VWA8: variants seen among roughly 807,000 people sequenced by gnomAD.
The protein encoded by VWA8 is von Willebrand factor A domain-containing protein 8.
A neutral mutation model predicts 241.5 loss-of-function variants in VWA8; 221 were observed. That is an observed-to-expected ratio of 0.91 (90% CI 0.82 to 1.02). The LOEUF (loss-of-function observed/expected upper bound fraction) is 1.02, where lower values mean the gene tolerates loss of function less well. Ranked by LOEUF, VWA8 falls within the 50% of genes least tolerant of loss-of-function variation. The probability of loss-of-function intolerance (pLI) is 0.00; values close to 1 mark genes in which losing one functional copy is unlikely to be tolerated. For synonymous variants in VWA8, 852 were observed against 827.1 expected (o/e 1.03, Z -0.52); for missense variants, 2,322 against 2,328.7 (o/e 1.00, Z 0.06).
At chr13:41,833,962 T>C (rs1173649097) in intron 12 of VWA8, among the ~76,000 whole-genome samples, 1 of 152,214 alleles carries the variant, frequency 6.6e-6, no homozygotes, top group Non-Finnish European at 1.5e-5. Context: ...AAACTCAACA[T>C]GCAGAGATGT....
chr13:41,796,044 T>G (rs1430461934), intron 17 of VWA8, among the ~76,000 whole-genome samples: 1 of 152,214 alleles, frequency 6.6e-6, no homozygotes, highest in Non-Finnish European at 1.5e-5. Flanking sequence ...GTAAAAGGTA[T>G]GATTACTATA....
chr13:41,910,809 G>A (rs1292507439), intron 3 of VWA8, among the ~76,000 whole-genome samples: 3 of 152,000 alleles, frequency 2.0e-5, no homozygotes, highest in African/African-American at 7.3e-5. Flanking sequence ...TATTATTTCT[G>A]CCCCACATGA....
intron 2 of VWA8, chr13:41,925,740 A>G: frequency 4.8e-6 from 1 of 208,272 alleles, no homozygotes; most frequent in Non-Finnish European, 1.0e-5. Context: ...GAGAAAGTTA[A>G]ACCAGGCCAC....
chr13:41,841,853 ATATAT>A (rs1872066625), intron 12 of VWA8, among the ~76,000 whole-genome samples: 15 of 91,534 alleles, frequency 1.6e-4, no homozygotes, highest in East Asian at 2.9e-4. Flanking sequence ...ATATATATAT[ATATAT>A]AAAAACAGTA....
intron 37 of VWA8, among the ~76,000 whole-genome samples, chr13:41,644,867 G>T (rs1229498035): frequency 6.6e-6 from 1 of 152,130 alleles, no homozygotes; most frequent in Non-Finnish European, 1.5e-5. Flanking sequence ...CTTAACTCTT[G>T]TTTATCCCAA....
At chr13:41,635,219 G>A (rs911988343) in intron 37 of VWA8, among the ~76,000 whole-genome samples, 1 of 152,130 alleles carries the variant, frequency 6.6e-6, no homozygotes, top group East Asian at 1.9e-4. Flanking sequence ...TTGGGATAGG[G>A]AATAGGAATA....
chr13:41,634,049 T>C (rs2044741896), intron 37 of VWA8, among the ~76,000 whole-genome samples: 1 of 152,126 alleles, frequency 6.6e-6, no homozygotes, highest in African/African-American at 2.4e-5. Context: ...TTGAGGGCTT[T>C]AGGCAGCACA....
At chr13:41,847,427 C>T (rs930391153) in intron 12 of VWA8, among the ~76,000 whole-genome samples, 3 of 152,148 alleles carry the variant, frequency 2.0e-5, no homozygotes, top group Non-Finnish European at 4.4e-5. Context: ...TCTGATGACA[C>T]AGCCTGTGAA....
chr13:41,617,565 A>G (rs9989065), intron 37 of VWA8, among the ~76,000 whole-genome samples: 11,396 of 152,142 alleles, frequency 0.075, 866 homozygotes, highest in African/African-American at 0.2. Context: ...TAGTATACAC[A>G]TGCCATGTTG....
intron 21 of VWA8, among the ~76,000 whole-genome samples, chr13:41,752,029 G>A (rs1460216192): frequency 1.3e-5 from 2 of 152,126 alleles, no homozygotes; most frequent in Non-Finnish European, 2.9e-5. Context: ...ACACACAGGA[G>A]TTACTGTTAA....
At chr13:41,721,006 C>T (rs976100) in intron 25 of VWA8, among the ~76,000 whole-genome samples, 113,068 of 151,962 alleles carry the variant, frequency 0.74, 44,240 homozygotes, top group South Asian at 0.9. Context: ...ATGTGATTTG[C>T]TTCAAAATGA....
chr13:41,861,745 G>A (rs1282660318), intron 12 of VWA8, among the ~76,000 whole-genome samples: 1 of 152,052 alleles, frequency 6.6e-6, no homozygotes, highest in African/African-American at 2.4e-5. Flanking sequence ...ACCCAAGAAA[G>A]TAAAAGATCT....
intron 37 of VWA8, among the ~76,000 whole-genome samples, chr13:41,647,818 T>C (rs912557173): frequency 2.0e-5 from 3 of 151,990 alleles, no homozygotes; most frequent in Admixed American, 6.6e-5. Context: ...GGTGAAACCC[T>C]TTCTCTACTA....
intron 12 of VWA8, among the ~76,000 whole-genome samples, chr13:41,836,071 T>C (rs1871713619): frequency 6.6e-6 from 1 of 152,200 alleles, no homozygotes; most frequent in Non-Finnish European, 1.5e-5. Flanking sequence ...AAACATTACA[T>C]AGATGATTCT....
intron 2 of VWA8, among the ~76,000 whole-genome samples, chr13:41,943,011 A>G (rs1179395836): frequency 6.6e-6 from 1 of 152,264 alleles, no homozygotes; most frequent in African/African-American, 2.4e-5. Flanking sequence ...GCAGCTATAC[A>G]GCAAAGAGAT....
chr13:41,868,459 A>C lies in VWA8; in HGVS notation c.1099T>G (p.Ser367Ala). Residue 367 changes from serine (S) to alanine (A), a missense_variant, in exon 10 of 45, where the codon TCA becomes GCA. By Grantham distance (99) the Ser-to-Ala change is moderately conservative. Transcript: ENST00000379310. ...TCTTTAGGAAGTAGAGAGCTTCCTG[A>C]ATCTTGAAGTTCAAAGCGCTGTAAA... is the stretch of plus-strand genomic sequence containing the variant. ...GVLKRFELQDSGSSLLPKEIV... is the reference protein window; with the variant it reads ...GVLKRFELQDAGSSLLPKEIV... The C allele has an allele frequency of 6.2e-7, 1 of 1,613,294 alleles. No homozygotes were observed. Among genetic ancestry groups the C allele is most frequent in the Non-Finnish European group, 8.5e-7 (1 of 1,179,808 alleles).
At chr13:41,662,250 T>A (rs1273372085) in intron 37 of VWA8, among the ~76,000 whole-genome samples, 1 of 152,184 alleles carries the variant, frequency 6.6e-6, no homozygotes, top group Non-Finnish European at 1.5e-5. Flanking sequence ...CATTATTAGG[T>A]TGAGTTTTCT....
At chr13:41,622,630 CATT>C (rs2044664679) in intron 37 of VWA8, among the ~76,000 whole-genome samples, 1 of 152,154 alleles carries the variant, frequency 6.6e-6, no homozygotes, top group South Asian at 2.1e-4. Flanking sequence ...TCGTAAGAAT[CATT>C]ATCCCCTTAC....
intron 30 of VWA8, 126 bp from the exon 31 acceptor site, chr13:41,692,064 C>G: frequency 3.2e-6 from 2 of 620,244 alleles, no homozygotes; most frequent in Non-Finnish European, 5.8e-6. Context: ...CTCAAACAAG[C>G]TATCTATTTA....
Sources: allele counts gnomAD v4.1 joint callset (sites outside exome capture counted in the v4.1 genomes callset), GRCh38; gene constraint gnomAD v4.1.1; transcripts MANE v1.5; gene names NCBI Gene and HGNC (gene_info 2026-07-23, HGNC 2026-07-21).